ATP13A4: variants seen among roughly 807,000 people sequenced by gnomAD.
ATP13A4 encodes probable cation-transporting ATPase 13A4.
In ATP13A4, 114 loss-of-function variants were observed where a neutral mutation model predicts 142.5. That is an observed-to-expected ratio of 0.80 (90% CI 0.69 to 0.93). The LOEUF is 0.93. ATP13A4 is among the 40% of genes least tolerant of loss of function. ATP13A4 has a pLI of 0.00. For synonymous variants in ATP13A4, 488 were observed against 514.8 expected (o/e 0.95, Z 0.70); for missense variants, 1,392 against 1,454.0 (o/e 0.96, Z 0.69).
At position 193,514,864 on chromosome 3, in the gene ATP13A4, A is replaced by T. The variant is rs1560247548; in HGVS notation, c.68T>A (p.Phe23Tyr). ...CCGGCAGCCTTGAGTCCGATAGCCA[A>T]ATATCTCCTGGGACAGAATCAAAAT... ...NEGEENEMEI[F>Y]GYRTQGCRKS... Residue 23 changes from phenylalanine to tyrosine, a missense_variant, in exon 2 of 30, where the codon TTT (phenylalanine) becomes TAT (tyrosine). Physicochemically the swap from Phe to Tyr is conservative, Grantham distance 22 (BLOSUM62 3). Transcript: ENST00000342695. 4 of 1,613,994 alleles carry T rather than the reference A, an allele frequency of 2.5e-6. No homozygotes were observed. The highest frequency in any genetic ancestry group is 3.4e-6 in the Non-Finnish European group (4 of 1,179,956).
rs116923004 is a variant in ATP13A4 at position 193,590,125 on chromosome 3, G to C, written n.91+2896C>G. Among the ~76,000 whole-genome samples the C allele has an allele frequency of 2.9e-3, 443 of 152,288 alleles. 3 individuals carry two copies. Among genetic ancestry groups the C allele is most frequent in the South Asian group, 0.017 (81 of 4,828 alleles). ...AGACCAGGGCATCGCAGTAGAAAAA[G>C]AGTTTAACTGATTCAAGACCAGCCT... On this transcript the variant is annotated intron_variant and non_coding_transcript_variant, in intron 1 of 3. Transcript: ENST00000489140.
At chr3:193,491,605 G>C (rs1292574009) in intron 5 of ATP13A4, among the ~76,000 whole-genome samples, 1 of 151,990 alleles carries the variant, frequency 6.6e-6, no homozygotes, top group Non-Finnish European at 1.5e-5. Context: ...TGACCATATT[G>C]CTTCTAGAAG....
At chr3:193,562,991 G>T (rs1296785021) in intron 2 of ATP13A4, among the ~76,000 whole-genome samples, 2 of 152,130 alleles carry the variant, frequency 1.3e-5, no homozygotes, top group African/African-American at 2.4e-5. Flanking sequence ...TTTCATCTTT[G>T]AAATGAGATA....
upstream of ATP13A4, among the ~76,000 whole-genome samples, chr3:193,556,170 T>G (rs928121252): frequency 6.6e-6 from 1 of 152,132 alleles, no homozygotes; most frequent in Non-Finnish European, 1.5e-5. Flanking sequence ...ACATGTAACA[T>G]AAAGATGATG....
At chr3:193,517,560 A>G (rs1721482648) in intron 1 of ATP13A4, among the ~76,000 whole-genome samples, 1 of 152,164 alleles carries the variant, frequency 6.6e-6, no homozygotes, top group Admixed American at 6.5e-5. Flanking sequence ...GGCTCACTGC[A>G]AGCTCCGCCT....
Position 193,431,477 on chromosome 3 carries a change from A to G in ATP13A4, c.2842+2368T>C, listed in dbSNP as rs181250889. ...GGTTGAGATTACTTATGGAGATGGT[A>G]TAGGCTGAAAAGACAGCGGATCCAA... is the stretch of plus-strand genomic sequence containing the variant. On this transcript the variant is annotated intron_variant, in intron 25 of 29. Coordinates refer to ENST00000342695, the MANE Select transcript of ATP13A4 (RefSeq NM_032279.4). Among the ~76,000 whole-genome samples, 3 of 152,126 alleles carry G rather than the reference A, an allele frequency of 2.0e-5. No homozygotes were observed. The East Asian group carries it at 5.8e-4, about 29-fold the overall frequency.
intron 16 of ATP13A4, among the ~76,000 whole-genome samples, chr3:193,455,955 T>C (rs958804121): frequency 6.6e-6 from 1 of 152,024 alleles, no homozygotes; most frequent in Non-Finnish European, 1.5e-5. Flanking sequence ...CAAACTTATA[T>C]GTGGGAGCTA....
chr3:193,412,431 G>T, intron 26 of ATP13A4, 60 bp from the exon 27 acceptor site: 1 of 1,471,460 alleles, frequency 6.8e-7, no homozygotes, highest in Non-Finnish European at 9.4e-7. Context: ...TGGAGCATTT[G>T]TATCCAGAAG....
intron 25 of ATP13A4, among the ~76,000 whole-genome samples, chr3:193,422,675 G>A (rs949498337): frequency 1.3e-5 from 2 of 149,464 alleles, no homozygotes; most frequent in African/African-American, 4.9e-5. Flanking sequence ...AAAATTTTTA[G>A]AGAAAAATGA....
chr3:193,506,963 C>A (rs1317022456), intron 2 of ATP13A4, among the ~76,000 whole-genome samples: 1 of 152,140 alleles, frequency 6.6e-6, no homozygotes, highest in Admixed American at 6.5e-5. Flanking sequence ...ACTAACACAT[C>A]TTGCTTAACC....
chr3:193,519,626 A>ATTTTTTTTTTTTT (rs147173408), intron 1 of ATP13A4, among the ~76,000 whole-genome samples: 2 of 69,040 alleles, frequency 2.9e-5, no homozygotes, highest in African/African-American at 7.0e-5. Flanking sequence ...GCAATTTGTA[A>ATTTTTTTTTTTTT]TTTTTTTTTT....
intron 17 of ATP13A4, among the ~76,000 whole-genome samples, chr3:193,452,487 TA>T (rs1717335964): frequency 6.6e-6 from 1 of 151,778 alleles, no homozygotes; most frequent in Non-Finnish European, 1.5e-5. Flanking sequence ...GGCTTCATTT[TA>T]CCCATCACAA....
intron 8 of ATP13A4, among the ~76,000 whole-genome samples, chr3:193,475,724 C>A (rs895884426): frequency 6.6e-6 from 1 of 151,884 alleles, no homozygotes; most frequent in African/African-American, 2.4e-5. Context: ...GCAAAAGGAG[C>A]AAAATAAACC....
At chr3:193,481,300 T>C (rs1346781104) in intron 8 of ATP13A4, among the ~76,000 whole-genome samples, 4 of 152,222 alleles carry the variant, frequency 2.6e-5, no homozygotes. Flanking sequence ...AAAAATATTT[T>C]ATTTCCTTTA....
intron 17 of ATP13A4, among the ~76,000 whole-genome samples, chr3:193,451,592 G>A (rs1015779012): frequency 1.3e-5 from 2 of 152,276 alleles, no homozygotes; most frequent in East Asian, 3.9e-4. Context: ...CTGGCTTCCT[G>A]CACAGATATT....
chr3:193,518,987 T>G (rs1439623684), intron 1 of ATP13A4, among the ~76,000 whole-genome samples: 1 of 152,166 alleles, frequency 6.6e-6, no homozygotes, highest in East Asian at 1.9e-4. Flanking sequence ...ACTTCTGGCA[T>G]CTGGTGCTCA....
chr3:193,531,887 C>T (rs1722359052), intron 1 of ATP13A4, among the ~76,000 whole-genome samples: 1 of 152,116 alleles, frequency 6.6e-6, no homozygotes, highest in African/African-American at 2.4e-5. Flanking sequence ...AAACTAAGCC[C>T]TGAAAACAGT....
intron 3 of ATP13A4, among the ~76,000 whole-genome samples, chr3:193,496,716 G>C (rs1443342552): frequency 5.3e-5 from 8 of 152,036 alleles, no homozygotes; most frequent in Admixed American, 5.2e-4. Flanking sequence ...GCTTGGACCT[G>C]GGAGGCCGAG....
chr3:193,543,270 C>T (rs1723041145), intron 1 of ATP13A4, among the ~76,000 whole-genome samples: 1 of 151,748 alleles, frequency 6.6e-6, no homozygotes, highest in Non-Finnish European at 1.5e-5. Flanking sequence ...GCAACAAAAG[C>T]AAAAATTCAT....
Sources: allele counts gnomAD v4.1 joint callset (sites outside exome capture counted in the v4.1 genomes callset), GRCh38; gene constraint gnomAD v4.1.1; transcripts MANE v1.5; gene names NCBI Gene and HGNC (gene_info 2026-07-23, HGNC 2026-07-21).